The following KANSL1L variants were observed in gnomAD, a reference collection of about 807,000 sequenced individuals.
The protein encoded by KANSL1L is KAT8 regulatory NSL complex subunit 1-like protein.
Under a neutral mutation model 108.6 loss-of-function variants are expected in KANSL1L, and 25 were observed. The ratio of observed to expected loss-of-function variants is 0.23; its 90% CI spans 0.17 to 0.32. KANSL1L has a LOEUF of 0.32. KANSL1L is among the 10% of genes least tolerant of loss of function. The pLI is 1.00. For synonymous variants in KANSL1L, 405 were observed against 395.1 expected (o/e 1.03, Z -0.30); for missense variants, 1,137 against 1,125.7 (o/e 1.01, Z -0.14).
At chr2:210,097,313 TTAAAA>T in intron 5 of KANSL1L, 1 of 758,400 alleles carries the variant, frequency 1.3e-6, no homozygotes, top group Non-Finnish European at 1.6e-6. Context: ...TAGAAAGTTA[TTAAAA>T]TAATAAATTA....
intron 7 of KANSL1L, among the ~76,000 whole-genome samples, chr2:210,042,470 A>G (rs1408460875): frequency 6.6e-6 from 1 of 152,196 alleles, no homozygotes; most frequent in African/African-American, 2.4e-5. Context: ...TATATTTGCT[A>G]ATAAGAAAAC....
chr2:210,156,183 C>T (rs1049142332), intron 1 of KANSL1L, among the ~76,000 whole-genome samples: 1 of 152,032 alleles, frequency 6.6e-6, no homozygotes, highest in African/African-American at 2.4e-5. Context: ...CTTAATCATA[C>T]TAGTAATGAG....
At chr2:210,070,857 T>G (rs548527734) in intron 6 of KANSL1L, among the ~76,000 whole-genome samples, 2 of 152,262 alleles carry the variant, frequency 1.3e-5, no homozygotes, top group African/African-American at 2.4e-5. Context: ...CAATAAAAAT[T>G]TTTTTAAATA....
chr2:210,139,862 C>T (rs2095212450), intron 2 of KANSL1L, among the ~76,000 whole-genome samples: 1 of 140,542 alleles, frequency 7.1e-6, no homozygotes, highest in Non-Finnish European at 1.5e-5. Flanking sequence ...CCATCTCAGT[C>T]TCCTGAGTGG....
In KANSL1L at chr2:210,153,610, C is replaced by T. The variant is rs79064380; in HGVS notation, c.973G>A (p.Ala325Thr). The change falls in exon 2 of 15, where the codon GCA (alanine) becomes ACA (threonine). Residue 325 changes from alanine to threonine, a missense_variant. Transcript: ENST00000281772. Reference protein sequence around the residue: ...RCTAAEIQRFAFSATGLLSHV... With the variant: ...RCTAAEIQRFTFSATGLLSHV... ...GACAACAGCCCTGTAGCAGAAAATGCAAATCTTTGGATTTCCGCAGCTGTA... is the reference window on the plus strand; with the variant it reads ...GACAACAGCCCTGTAGCAGAAAATGTAAATCTTTGGATTTCCGCAGCTGTA... 2.7e-3 allele frequency: 4,329 copies of T among 1,613,752 alleles called. 111 individuals are homozygous for T. The African/African-American group carries it at 0.052, about 19-fold the overall frequency.
intron 6 of KANSL1L, among the ~76,000 whole-genome samples, chr2:210,053,198 A>G (rs1357235265): frequency 6.6e-6 from 1 of 152,012 alleles, no homozygotes; most frequent in Non-Finnish European, 1.5e-5. Flanking sequence ...ATAATGGTCC[A>G]TTTTTTTTGG....
intron 3 of KANSL1L, among the ~76,000 whole-genome samples, chr2:210,119,182 CGAAAAAAAA>C (rs777622403): frequency 2.3e-4 from 34 of 148,066 alleles, no homozygotes; most frequent in African/African-American, 5.5e-4. Flanking sequence ...GGCTCCGTCT[CGAAAAAAAA>C]GAAAAAAAAG....
intron 6 of KANSL1L, among the ~76,000 whole-genome samples, chr2:210,046,463 A>G (rs1464480213): frequency 6.6e-6 from 1 of 152,136 alleles, no homozygotes; most frequent in Non-Finnish European, 1.5e-5. Context: ...ATGCTTCCAA[A>G]ATACTATGGT....
chr2:210,086,364 A>T (rs1008526188), intron 5 of KANSL1L, among the ~76,000 whole-genome samples: 1 of 152,076 alleles, frequency 6.6e-6, no homozygotes, highest in African/African-American at 2.4e-5. Flanking sequence ...AGAGTATGAG[A>T]TCTGAAAACC....
intron 1 of KANSL1L, among the ~76,000 whole-genome samples, 172 bp downstream of exon 1, chr2:210,170,977 G>A (rs1688304339): frequency 6.8e-6 from 1 of 147,368 alleles, no homozygotes; most frequent in South Asian, 2.3e-4. Flanking sequence ...GCGCGATCCC[G>A]TGCCGAGACC....
At chr2:210,160,199 A>C (rs2095354642) in intron 1 of KANSL1L, among the ~76,000 whole-genome samples, 1 of 152,246 alleles carries the variant, frequency 6.6e-6, no homozygotes, top group Non-Finnish European at 1.5e-5. Flanking sequence ...TCTGATAAAA[A>C]GCATGTACAC....
At chr2:210,050,281 AC>A (rs2125223901) in intron 6 of KANSL1L, among the ~76,000 whole-genome samples, 1 of 152,314 alleles carries the variant, frequency 6.6e-6, no homozygotes, top group Admixed American at 6.5e-5. Context: ...GAAATAAAAA[AC>A]AAATGGCAAG....
intron 6 of KANSL1L, among the ~76,000 whole-genome samples, chr2:210,074,546 G>A (rs552807306): frequency 2.0e-5 from 3 of 152,158 alleles, no homozygotes; most frequent in South Asian, 2.1e-4. Context: ...GTAGAGATGG[G>A]GTTTCGCCAT....
intron 6 of KANSL1L, among the ~76,000 whole-genome samples, chr2:210,068,196 A>C (rs969246956): frequency 2.0e-5 from 3 of 152,212 alleles, no homozygotes; most frequent in Non-Finnish European, 4.4e-5. Flanking sequence ...TATTTAAAAA[A>C]TTTATTGTGG....
intron 4 of KANSL1L, among the ~76,000 whole-genome samples, chr2:210,103,465 A>G (rs533161647): frequency 6.6e-6 from 1 of 152,300 alleles, no homozygotes; most frequent in South Asian, 2.1e-4. Context: ...AACTTAAAGT[A>G]TAATAATAAT....
At chr2:210,038,583 T>C (rs2094132805) in intron 8 of KANSL1L, among the ~76,000 whole-genome samples, 1 of 152,068 alleles carries the variant, frequency 6.6e-6, no homozygotes. Flanking sequence ...TTACTTTTTC[T>C]TGTTATTCTT....
At chr2:210,024,807 A>C (rs1016655315) in intron 13 of KANSL1L, among the ~76,000 whole-genome samples, 1 of 152,220 alleles carries the variant, frequency 6.6e-6, no homozygotes, top group Admixed American at 6.5e-5. Flanking sequence ...ATTAAAGTAG[A>C]TTGAAATGAC....
intron 3 of KANSL1L, among the ~76,000 whole-genome samples, chr2:210,124,219 TA>T (rs1214452636): frequency 6.6e-6 from 1 of 152,072 alleles, no homozygotes; most frequent in East Asian, 1.9e-4. Flanking sequence ...TTCTCAAGTG[TA>T]CATGGAGCAT....
At chr2:210,144,765 C>G (rs1020465613) in intron 2 of KANSL1L, among the ~76,000 whole-genome samples, 1 of 152,098 alleles carries the variant, frequency 6.6e-6, no homozygotes. Flanking sequence ...GTTTACTGAG[C>G]CACCTTAAAA....
Sources: gnomAD v4.1 joint callset for allele counts (sites outside exome capture counted in the v4.1 genomes callset) on GRCh38, gnomAD v4.1.1 for gene constraint, MANE v1.5 for transcripts, NCBI Gene and HGNC (gene_info 2026-07-23, HGNC 2026-07-21) for gene names.